The following ADGRF3 variants were observed in gnomAD, a reference collection of about 807,000 sequenced individuals.
ADGRF3 encodes the protein G protein-coupled receptor 113.
In ADGRF3, 85 loss-of-function variants were observed where a neutral mutation model predicts 93.2. That is an observed-to-expected ratio of 0.91 (90% confidence interval 0.77 to 1.09). The LOEUF (loss-of-function observed/expected upper bound fraction) is 1.09, where lower values mean the gene tolerates loss of function less well. ADGRF3 is among the 50% of genes least tolerant of loss of function. The pLI, the probability that ADGRF3 is intolerant of heterozygous loss-of-function variation, is 0.00. For synonymous variants in ADGRF3, 534 were observed against 532.5 expected (o/e 1.00, Z -0.04); for missense variants, 1,125 against 1,246.2 (o/e 0.90, Z 1.46).
chr2:26,317,848 C>T (rs1407466449), intron 1 of ADGRF3, among the ~76,000 whole-genome samples: 1 of 152,252 alleles, frequency 6.6e-6, no homozygotes, highest in Non-Finnish European at 1.5e-5. Flanking sequence ...GGCCTCTAGG[C>T]TAATTGAAAT....
chr2:26,343,611 G>A (rs1056583964), intron 1 of ADGRF3, among the ~76,000 whole-genome samples: 1 of 151,812 alleles, frequency 6.6e-6, no homozygotes, highest in Admixed American at 6.6e-5. Flanking sequence ...GGCTAATTTT[G>A]TTTTTATATT....
rs761381134 is a variant in ADGRF3, at chr2:26,313,866, C to T, written c.966G>A (p.Val322=). ...SFNESGSQCF[V]LAVQRCPMAD... is the part of the protein sequence containing the mutation. ...CCATCGGGCAGCGCTGAACAGCCAG[C>T]ACAAAGCACTGAGAGCCTGACTCGT... is the stretch of plus-strand genomic sequence containing the variant. Residue 322 remains valine (V), a synonymous_variant, in exon 7 of 14, where the codon GTG becomes GTA. Transcript: ENST00000651242. The T allele has an allele frequency of 2.5e-6, 4 of 1,613,904 alleles. No individual in the cohort carries two copies. The highest frequency in any genetic ancestry group is 2.2e-5 in the South Asian group (2 of 91,088).
At chr2:26,339,326 C>G (rs190336697) in intron 1 of ADGRF3, among the ~76,000 whole-genome samples, 2 of 151,692 alleles carry the variant, frequency 1.3e-5, no homozygotes, top group South Asian at 4.2e-4. Context: ...TGAAACCCCA[C>G]CTCTACTAAA....
At chr2:26,309,275 G>A (rs568589510) in intron 13 of ADGRF3, 168 bp from the exon 14 acceptor site, 2 of 1,561,740 alleles carry the variant, frequency 1.3e-6, no homozygotes, top group South Asian at 2.4e-5. Context: ...CCAAGTCAAG[G>A]ACTGGTGGTG....
chr2:26,319,659 T>G lies in ADGRF3; in HGVS notation c.115-2097A>C, dbSNP rs540684147. The stretch of plus-strand genomic sequence containing the variant: ...TCTTTCTCTTTCCTCACTCTTTCCT[T>G]CCTTCCTTTCTCTCTCTCTTTCCTT... On this transcript the variant is annotated intron_variant, in intron 1 of 13. Coordinates refer to ENST00000651242, the MANE Select transcript of ADGRF3 (RefSeq NM_001321971.2). 1.4e-4 allele frequency among the ~76,000 whole-genome samples: 21 copies of G among 150,972 alleles called. 1 individual carries two copies. In the South Asian group the frequency reaches 1.7e-3, roughly 12 times the overall value.
At chr2:26,327,785 G>A (rs764449489) in intron 1 of ADGRF3, among the ~76,000 whole-genome samples, 11 of 151,542 alleles carry the variant, frequency 7.3e-5, no homozygotes, top group Non-Finnish European at 1.6e-4. Context: ...TTTATTAGGA[G>A]CCTACTCCCA....
In ADGRF3 at chr2:26,310,940, C is replaced by A; in HGVS notation, c.2584G>T (p.Val862Leu). The change falls in exon 10 of 14, where the codon GTG becomes TTG. Residue 862 changes from valine (V) to leucine (L), a missense_variant. Transcript: ENST00000651242. Reference protein sequence around the residue: ...DGKGGALYTFVGPVLAIIGVN... With the variant: ...DGKGGALYTFLGPVLAIIGVN... ...CCTATGATGGCCAGCACTGGCCCCA[C>A]GAAGGTGTATAACGCCCCTCCCTTC... is the stretch of plus-strand genomic sequence containing the variant. 2 of 1,613,540 alleles carry A rather than the reference C, an allele frequency of 1.2e-6. No homozygotes were observed. Among genetic ancestry groups the A allele is most frequent in the South Asian group, 1.1e-5 (1 of 90,990 alleles).
Position 26,316,466 on chromosome 2 carries a change from A to T in ADGRF3, c.326-18T>A, listed in dbSNP as rs1674685601. 6 of 1,549,630 alleles carry T rather than the reference A, an allele frequency of 3.9e-6. No homozygotes were observed. The highest frequency in any genetic ancestry group is 5.2e-6 in the Non-Finnish European group (6 of 1,145,854). ...ATTACACTCTGACAGAGAGAAGAGA[A>T]GAGGGGGTGGGCAGGCTGTCTGAAG... On this transcript the variant is annotated intron_variant, in intron 3 of 13. Coordinates refer to ENST00000651242, the MANE Select transcript of ADGRF3 (RefSeq NM_001321971.2).
chr2:26,324,975 C>T (rs1051151672), intron 1 of ADGRF3, among the ~76,000 whole-genome samples: 6 of 152,288 alleles, frequency 3.9e-5, no homozygotes, highest in Admixed American at 3.3e-4. Context: ...ACAGCCTTGC[C>T]AGCATCTGTT....
rs1054249919 is a variant in ADGRF3 at position 26,312,885 on chromosome 2, G to A, written c.1449+58C>T. On this transcript the variant is annotated intron_variant, in intron 9 of 13. Coordinates refer to ENST00000651242, the MANE Select transcript of ADGRF3 (RefSeq NM_001321971.2). ...CAGAGGGACAGAAATGCCCACAGGT[G>A]GGGAGTCTTCAGCCCCCGACTGCCC... 4.7e-6 allele frequency: 7 copies of A among 1,482,072 alleles called. No homozygotes were observed. The African/African-American group carries it at 5.5e-5, about 12-fold the overall frequency. 91.8% of individuals were successfully genotyped at this position (1,482,072 alleles called of 1,614,324 possible).
intron 1 of ADGRF3, among the ~76,000 whole-genome samples, chr2:26,336,525 A>T (rs1676049141): frequency 6.6e-6 from 1 of 151,992 alleles, no homozygotes; most frequent in African/African-American, 2.4e-5. Flanking sequence ...CAGGAGTTCG[A>T]GACCAGCCTG....
At chr2:26,309,201 C>T (rs1673813674) in intron 13 of ADGRF3, 94 bp from the exon 14 acceptor site, 4 of 1,613,394 alleles carry the variant, frequency 2.5e-6, no homozygotes, top group Non-Finnish European at 3.4e-6. Context: ...ATGGCAATCC[C>T]TTCAAGGCGT....
chr2:26,316,527 C>T (rs1674692860), intron 3 of ADGRF3, 79 bp from the exon 4 acceptor site: 3 of 1,421,182 alleles, frequency 2.1e-6, no homozygotes, highest in Middle Eastern at 2.3e-4. Flanking sequence ...TGCCTGATGC[C>T]TGAGAGGCTT....
At chr2:26,316,133 T>A in intron 4 of ADGRF3, 142 bp downstream of exon 4, 1 of 835,248 alleles carries the variant, frequency 1.2e-6, no homozygotes, top group Non-Finnish European at 1.8e-6. Context: ...TGATCTGCTA[T>A]GATGGCTGGC....
Position 26,311,501 on chromosome 2 carries a change from G to A in ADGRF3, c.2023C>T (p.Pro675Ser). Residue 675 changes from proline (P) to serine (S), a missense_variant, in exon 10 of 14, where the codon CCC becomes TCC. Transcript: ENST00000651242. ...TGCTGGCAGAGGCACTGAGCAGTGG[G>A]GCTGGCACTGGCCACCTGTGCCTGG... ...GCQAQVASAS[P>S]TAQCLCQHLT... The A allele has an allele frequency of 8.1e-6, 13 of 1,614,024 alleles. No homozygotes were observed. Among genetic ancestry groups the A allele is most frequent in the South Asian group, 1.1e-5 (1 of 91,086 alleles).
chr2:26,313,494 T>A lies in ADGRF3; in HGVS notation c.1152A>T (p.Pro384=). Residue 384 remains proline, a synonymous_variant, in exon 8 of 14, where the codon CCA becomes CCT. Transcript: ENST00000651242. ...VTKAGHVAQA[P]CPESKRGIVR... ...CTATGCCCCTCTTGCTCTCAGGACA[T>A]GGGGCCTGTGCCACGTGGCCAGCCT... 1 of 1,612,058 alleles carries A rather than the reference T, an allele frequency of 6.2e-7. No homozygotes were observed. The highest frequency in any genetic ancestry group is 8.5e-7 in the Non-Finnish European group (1 of 1,179,238).
chr2:26,309,210 G>A lies in ADGRF3; in HGVS notation c.2994-103C>T, dbSNP rs998703165. On this transcript the variant is annotated intron_variant, in intron 13 of 13. Transcript: ENST00000651242. ...CCACCCATGGCAATCCCTTCAAGGC[G>A]TGACTCTCATGATAATTAAATGTGT... The A allele has an allele frequency of 8.1e-6, 13 of 1,612,802 alleles. No homozygotes were observed. In the Admixed American group the frequency reaches 1.0e-4, roughly 12 times the overall value.
chr2:26,312,884 TG>T, intron 9 of ADGRF3, 58 bp downstream of exon 9: 1 of 1,480,612 alleles, frequency 6.8e-7, no homozygotes. Context: ...TGCCCACAGG[TG>T]GGGAGTCTTC....
chr2:26,336,333 TGTGA>T (rs1379415035), intron 1 of ADGRF3, among the ~76,000 whole-genome samples: 4 of 151,556 alleles, frequency 2.6e-5, no homozygotes, highest in African/African-American at 7.3e-5. Context: ...TGTGTGTGTG[TGTGA>T]GTGTGTGTTT....
Sources: gnomAD v4.1 joint callset for allele counts (sites outside exome capture counted in the v4.1 genomes callset) on GRCh38, gnomAD v4.1.1 for gene constraint, MANE v1.5 for transcripts, NCBI Gene and HGNC (gene_info 2026-07-23, HGNC 2026-07-21) for gene names.